WWOX: variants seen among roughly 807,000 people sequenced by gnomAD.
WWOX encodes the protein WW domain-containing oxidoreductase.
A neutral mutation model predicts 46.2 loss-of-function variants in WWOX; 69 were observed. That is an observed-to-expected ratio of 1.49 (90% CI 1.23 to 1.82). The LOEUF (loss-of-function observed/expected upper bound fraction) is 1.82. WWOX is among the 40% of genes most tolerant of loss of function. WWOX has a pLI of 0.00. For synonymous variants in WWOX, 359 were observed against 202.6 expected (o/e 1.77, Z -6.56); for missense variants, 919 against 542.6 (o/e 1.69, Z -6.89).
intron 8 of WWOX, among the ~76,000 whole-genome samples, chr16:78,790,477 C>A (rs1002550713): frequency 6.6e-6 from 1 of 152,118 alleles, no homozygotes; most frequent in Non-Finnish European, 1.5e-5. Context: ...ACTTAAATCT[C>A]CTCTAGAAAA....
intron 8 of WWOX, among the ~76,000 whole-genome samples, chr16:78,689,642 C>T (rs909262666): frequency 6.6e-6 from 1 of 152,132 alleles, no homozygotes; most frequent in African/African-American, 2.4e-5. Flanking sequence ...TGGAATACTC[C>T]TACCCTTGTG....
intron 8 of WWOX, among the ~76,000 whole-genome samples, chr16:78,593,719 T>C (rs2045405973): frequency 8.6e-6 from 1 of 116,764 alleles, no homozygotes; most frequent in South Asian, 3.3e-4. Flanking sequence ...AAACTGCCTG[T>C]TGTAGTTAAA....
At chr16:78,689,543 T>A (rs993860757) in intron 8 of WWOX, among the ~76,000 whole-genome samples, 14 of 152,198 alleles carry the variant, frequency 9.2e-5, no homozygotes, top group African/African-American at 3.4e-4. Context: ...TAAGAGTCAT[T>A]CTAAGTCAGT....
chr16:78,737,494 G>C (rs373651651), intron 8 of WWOX, among the ~76,000 whole-genome samples: 1 of 151,936 alleles, frequency 6.6e-6, no homozygotes, highest in African/African-American at 2.4e-5. Flanking sequence ...ACATGAATAA[G>C]TTCTTTAGTG....
At chr16:78,250,660 A>T (rs1245275788) in intron 5 of WWOX, among the ~76,000 whole-genome samples, 1 of 152,138 alleles carries the variant, frequency 6.6e-6, no homozygotes, top group African/African-American at 2.4e-5. Context: ...AGGAGGTTAC[A>T]TATAGGGGAG....
intron 8 of WWOX, among the ~76,000 whole-genome samples, chr16:78,660,404 G>A (rs1206212533): frequency 6.6e-6 from 1 of 152,178 alleles, no homozygotes; most frequent in Non-Finnish European, 1.5e-5. Context: ...TATGCTTCCT[G>A]AGAGGTGGAA....
chr16:79,210,728 A>G lies in WWOX; in HGVS notation c.1057-880A>G, dbSNP rs561474401. On this transcript the variant is annotated intron_variant, in intron 8 of 8. Transcript: ENST00000566780. ...TATTATTTTTAATTATGGCTTGCAA[A>G]GCAAAGTGATTTCTTGCCCTCTTTA... Among the ~76,000 whole-genome samples, 894 of 152,290 alleles carry G rather than the reference A, an allele frequency of 5.9e-3. 7 individuals carry two copies. The highest frequency in any genetic ancestry group is 0.01 in the Middle Eastern group (3 of 294).
intron 5 of WWOX, among the ~76,000 whole-genome samples, chr16:78,165,013 G>T (rs1020218975): frequency 1.3e-5 from 2 of 152,214 alleles, no homozygotes; most frequent in Non-Finnish European, 2.9e-5. Context: ...GCAGTGAGAA[G>T]AGCATATGCT....
intron 8 of WWOX, among the ~76,000 whole-genome samples, chr16:78,654,636 T>C (rs72794717): frequency 0.054 from 8,217 of 152,016 alleles, 283 homozygotes; most frequent in Non-Finnish European, 0.077. Flanking sequence ...TATCTATACC[T>C]TTCTCTCTCT....
At chr16:78,145,518 C>T (rs559103545) in intron 4 of WWOX, among the ~76,000 whole-genome samples, 18 of 152,146 alleles carry the variant, frequency 1.2e-4, no homozygotes, top group Admixed American at 7.9e-4. Context: ...TCCATCTTCT[C>T]CTGCCTGCTT....
At chr16:79,185,657 G>C (rs754996801) in intron 8 of WWOX, among the ~76,000 whole-genome samples, 63 of 152,118 alleles carry the variant, frequency 4.1e-4, no homozygotes, top group Middle Eastern at 6.3e-3. Flanking sequence ...AACACCTGCC[G>C]ATGAGCGTTT....
At chr16:79,024,079 A>G (rs2047589211) in intron 8 of WWOX, among the ~76,000 whole-genome samples, 1 of 152,336 alleles carries the variant, frequency 6.6e-6, no homozygotes, top group East Asian at 1.9e-4. Flanking sequence ...AAAGCAAGCT[A>G]GTGATTGCAG....
intron 8 of WWOX, among the ~76,000 whole-genome samples, chr16:78,776,448 T>C (rs973748854): frequency 6.6e-6 from 1 of 152,150 alleles, no homozygotes; most frequent in African/African-American, 2.4e-5. Flanking sequence ...AAATGGGGAT[T>C]CCAGTGGTTA....
chr16:78,979,044 C>A (rs145944907), intron 8 of WWOX, among the ~76,000 whole-genome samples: 7 of 151,800 alleles, frequency 4.6e-5, no homozygotes, highest in South Asian at 2.1e-4. Flanking sequence ...CTCTCCTTTA[C>A]GGCCAGGTCT....
At chr16:78,323,911 T>C (rs547737609) in intron 5 of WWOX, among the ~76,000 whole-genome samples, 213 of 152,290 alleles carry the variant, frequency 1.4e-3, no homozygotes, top group African/African-American at 5.0e-3. Flanking sequence ...ATGGTCTGAA[T>C]AATAAGCATA....
At chr16:78,190,364 C>T (rs541321034) in intron 5 of WWOX, among the ~76,000 whole-genome samples, 1 of 152,132 alleles carries the variant, frequency 6.6e-6, no homozygotes, top group African/African-American at 2.4e-5. Context: ...ACCTTGACCC[C>T]GACCTTGAAA....
chr16:79,025,713 C>T (rs2047624616), intron 8 of WWOX, among the ~76,000 whole-genome samples: 1 of 151,966 alleles, frequency 6.6e-6, no homozygotes, highest in Non-Finnish European at 1.5e-5. Flanking sequence ...ACTAATATAC[C>T]CTTTAATGAT....
In WWOX at chr16:78,765,395, G is replaced by T. The variant is rs536851146; in HGVS notation, c.1056+332643G>T. Among the ~76,000 whole-genome samples the T allele has an allele frequency of 3.4e-4, 52 of 152,280 alleles. 2 individuals carry two copies. The South Asian group carries it at 0.011, about 32-fold the overall frequency. On this transcript the variant is annotated intron_variant, in intron 8 of 8. Coordinates refer to ENST00000566780, the MANE Select transcript of WWOX (RefSeq NM_016373.4). Reference sequence around the variant, plus strand: ...GCCCTGAAATTTCCACGTAAGATTCGGGGCCGGGCACGGTGGCTCATACTT... The same window carrying T: ...GCCCTGAAATTTCCACGTAAGATTCTGGGCCGGGCACGGTGGCTCATACTT...
At chr16:78,901,832 C>A (rs543459344) in intron 8 of WWOX, among the ~76,000 whole-genome samples, 2 of 152,212 alleles carry the variant, frequency 1.3e-5, no homozygotes, top group Non-Finnish European at 2.9e-5. Flanking sequence ...CCAAGTCTGT[C>A]GCTGCCCAGG....
Sources: gnomAD v4.1 joint callset for allele counts (sites outside exome capture counted in the v4.1 genomes callset) on GRCh38, gnomAD v4.1.1 for gene constraint, MANE v1.5 for transcripts, NCBI Gene and HGNC (gene_info 2026-07-23, HGNC 2026-07-21) for gene names.